The following DIDO1 variants were observed in gnomAD, a reference collection of about 807,000 sequenced individuals.
The protein encoded by DIDO1 is death inducer-obliterator 1.
A neutral mutation model predicts 99.4 loss-of-function variants in DIDO1; 16 were observed. That is an observed-to-expected ratio of 0.16 (90% CI 0.11 to 0.24). The LOEUF (loss-of-function observed/expected upper bound fraction) is 0.24. Among genes scored for constraint, DIDO1 ranks in the 10% least tolerant of loss-of-function variants. DIDO1 has a pLI of 1.00. For synonymous variants in DIDO1, 1,366 were observed against 1,239.1 expected (o/e 1.10, Z -2.15); for missense variants, 2,996 against 3,014.0 (o/e 0.99, Z 0.14).
At chr20:62,907,683 G>T (rs1256278697) in intron 4 of DIDO1, among the ~76,000 whole-genome samples, 1 of 152,240 alleles carries the variant, frequency 6.6e-6, no homozygotes, top group Non-Finnish European at 1.5e-5. Context: ...CTCCGCTAGA[G>T]GACCCACATG....
chr20:62,913,734 C>G (rs1311887775), intron 2 of DIDO1, among the ~76,000 whole-genome samples: 1 of 152,226 alleles, frequency 6.6e-6, no homozygotes, highest in East Asian at 1.9e-4. Flanking sequence ...AAGTTGCAGT[C>G]GCCTCTGCCT....
In DIDO1 at chr20:62,902,249, T is replaced by C. The variant is rs79770463; in HGVS notation, c.1588+3638A>G. The stretch of plus-strand genomic sequence containing the variant: ...TCTCAATGGCAGGCTGCTTTTTAAG[T>C]TTATAAAAAGTAAAACACTTAAAAA... On this transcript the variant is annotated intron_variant, in intron 6 of 15. Coordinates refer to ENST00000395343, the MANE Select transcript of DIDO1 (RefSeq NM_001193369.2). Among the ~76,000 whole-genome samples, 559 of 152,284 alleles carry C rather than the reference T, an allele frequency of 3.7e-3. 4 individuals are homozygous for C. The highest frequency in any genetic ancestry group is 0.013 in the African/African-American group (548 of 41,542).
rs766955171 is a variant in DIDO1 at position 62,911,084 on chromosome 20, T to C, written c.529A>G (p.Thr177Ala). ...TGGATCCCTTTCAGGGGCCTCTCAG[T>C]GGGCTCCTGTTCCCGCTTCCTGCGA... ...RLRRKREQEP[T>A]ERPLKGIQSR... Residue 177 changes from threonine to alanine, a missense_variant, in exon 3 of 16, where the codon ACT becomes GCT. Thr to Ala is a moderately conservative substitution (Grantham distance 58). Transcript: ENST00000395343. This position sits in a 1 kb window ranked among gnomAD's most constrained non-coding sequence, Gnocchi z 7.0. 8.7e-6 allele frequency: 14 copies of C among 1,613,776 alleles called. No individual in the cohort carries two copies. Among genetic ancestry groups the C allele is most frequent in the East Asian group, 2.2e-5 (1 of 44,884 alleles).
intron 6 of DIDO1, among the ~76,000 whole-genome samples, chr20:62,903,975 A>G (rs539360361): frequency 6.6e-6 from 1 of 152,154 alleles, no homozygotes; most frequent in African/African-American, 2.4e-5. Context: ...CAGGGCTGAG[A>G]GCCCCTCATT....
chr20:62,882,551 G>C (rs2064226940), intron 15 of DIDO1, 137 bp from the exon 16 acceptor site: 4 of 891,942 alleles, frequency 4.5e-6, no homozygotes, highest in Non-Finnish European at 6.7e-6. Context: ...ATAAGATCAA[G>C]TGTCAAGACA....
chr20:62,925,405 G>A (rs1479013334), intron 1 of DIDO1, among the ~76,000 whole-genome samples: 2 of 152,208 alleles, frequency 1.3e-5, no homozygotes, highest in South Asian at 2.1e-4. Flanking sequence ...CATGGAACAC[G>A]GGGTATATAG....
intron 6 of DIDO1, among the ~76,000 whole-genome samples, chr20:62,898,916 AGTT>A (rs2064598334): frequency 6.6e-6 from 1 of 152,218 alleles, no homozygotes; most frequent in Non-Finnish European, 1.5e-5. Flanking sequence ...TTAACAACTC[AGTT>A]TAACTCATTA....
At chr20:62,913,401 G>C (rs1207371424) in intron 2 of DIDO1, among the ~76,000 whole-genome samples, 2 of 152,190 alleles carry the variant, frequency 1.3e-5, no homozygotes, top group African/African-American at 4.8e-5. Context: ...CACCAGCCAG[G>C]TGACCCCAGG....
rs575473645 is a variant in DIDO1, at chr20:62,911,951, T to TGTGAGTAAGGAC, written c.-2-349_-2-338dup. Among the ~76,000 whole-genome samples the TGTGAGTAAGGAC allele has an allele frequency of 9.9e-3, 1,511 of 152,178 alleles. 23 individuals are homozygous for TGTGAGTAAGGAC. Among genetic ancestry groups the TGTGAGTAAGGAC allele is most frequent in the African/African-American group, 0.034 (1,409 of 41,498 alleles). On this transcript the variant is annotated intron_variant, in intron 2 of 15. Coordinates refer to ENST00000395343, the MANE Select transcript of DIDO1 (RefSeq NM_001193369.2). This position sits in a 1 kb window ranked among gnomAD's most constrained non-coding sequence, Gnocchi z 7.0. Reference sequence around the variant, plus strand: ...ATTGGACAGTATAGCAGGGTAAGGATGTGAGTAAGGACGTGAGCAAGGACG... The same window carrying TGTGAGTAAGGAC: ...ATTGGACAGTATAGCAGGGTAAGGATGTGAGTAAGGACGTGAGTAAGGACGTGAGCAAGGACG...
intron 1 of DIDO1, among the ~76,000 whole-genome samples, chr20:62,918,621 G>A (rs6062746): frequency 6.6e-6 from 1 of 152,176 alleles, no homozygotes; most frequent in Non-Finnish European, 1.5e-5. Context: ...ACCTCACCTA[G>A]TGGCAAACAT....
intron 6 of DIDO1, among the ~76,000 whole-genome samples, chr20:62,901,961 T>TC (rs1238222553): frequency 2.0e-5 from 3 of 151,952 alleles, no homozygotes; most frequent in Non-Finnish European, 2.9e-5. Context: ...GAGGAGGCTT[T>TC]CCCGAGTATT....
chr20:62,901,247 G>C (rs2064672163), intron 6 of DIDO1, among the ~76,000 whole-genome samples: 2 of 152,176 alleles, frequency 1.3e-5, no homozygotes, highest in Non-Finnish European at 2.9e-5. Context: ...GCCGTGTTTT[G>C]GAATACTCAA....
intron 2 of DIDO1, among the ~76,000 whole-genome samples, chr20:62,913,173 CTGTAAA>C (rs2064978618): frequency 6.6e-6 from 1 of 152,168 alleles, no homozygotes; most frequent in Admixed American, 6.5e-5. Flanking sequence ...CCTCCACGCT[CTGTAAA>C]CATGACCCAC....
At position 62,894,496 on chromosome 20, in the gene DIDO1, A is replaced by G. The variant is rs746259421; in HGVS notation, c.2489T>C (p.Leu830Pro). 9 of 1,613,312 alleles carry G rather than the reference A, an allele frequency of 5.6e-6. No individual in the cohort carries two copies. Among genetic ancestry groups the G allele is most frequent in the Non-Finnish European group, 7.6e-6 (9 of 1,180,036 alleles). Residue 830 changes from leucine to proline, a missense_variant, in exon 11 of 16, where the codon CTC becomes CCC. This residue lies in a region of DIDO1 where 898 missense variants were observed against 972.7 expected (regional missense o/e 0.92). Coordinates refer to ENST00000395343, the MANE Select transcript of DIDO1 (RefSeq NM_001193369.2). The surrounding 1 kb of genome is among the most constrained non-coding windows in gnomAD (Gnocchi z 4.4). ...AVPEKSTAPL[L>P]DVFSSMLKDT... ...TTTCAACATGCTGCTGAAGACGTCG[A>G]GAAGCGGCGCTGTGCTCTTCTCAGG...
chr20:62,889,370 A>AT, intron 15 of DIDO1: 1 of 953,308 alleles, frequency 1.0e-6, no homozygotes, highest in Non-Finnish European at 1.2e-6. Flanking sequence ...ACACCCTACA[A>AT]CCGTGCTCAC....
chr20:62,888,089 G>A, intron 15 of DIDO1: 2 of 985,578 alleles, frequency 2.0e-6, no homozygotes, highest in African/African-American at 1.7e-5. Context: ...CTGACAGGGC[G>A]GGTGACTTAA....
intron 1 of DIDO1, among the ~76,000 whole-genome samples, chr20:62,923,322 C>T (rs1457720826): frequency 1.3e-5 from 2 of 152,138 alleles, no homozygotes; most frequent in East Asian, 1.9e-4. Flanking sequence ...ATTACAGGCA[C>T]GTACCACCAC....
intron 4 of DIDO1, among the ~76,000 whole-genome samples, chr20:62,908,469 T>C (rs889606629): frequency 1.3e-5 from 2 of 152,174 alleles, no homozygotes; most frequent in Non-Finnish European, 1.5e-5. Flanking sequence ...CAGTAACTCA[T>C]CGTGCAGCAG....
chr20:62,934,460 C>T (rs1478846748), intron 1 of DIDO1, among the ~76,000 whole-genome samples: 4 of 152,168 alleles, frequency 2.6e-5, no homozygotes, highest in Admixed American at 1.3e-4. Flanking sequence ...TCTTCTCTGG[C>T]GTTCCCTATC....
Sources: gnomAD v4.1 joint callset for allele counts (sites outside exome capture counted in the v4.1 genomes callset) on GRCh38, gnomAD v4.1.1 for gene constraint, gnomAD v4.1.1 regional missense constraint, Gnocchi (gnomAD v3.1) non-coding constraint, MANE v1.5 for transcripts, NCBI Gene and HGNC (gene_info 2026-07-23, HGNC 2026-07-21) for gene names.